The following ZHX2 variants were observed in gnomAD, a reference collection of about 807,000 sequenced individuals.
ZHX2 encodes zinc fingers and homeoboxes protein 2.
Under a neutral mutation model 21.9 loss-of-function variants are expected in ZHX2, and 6 were observed. The ratio of observed to expected loss-of-function variants is 0.27; its 90% CI spans 0.15 to 0.54. The LOEUF (loss-of-function observed/expected upper bound fraction) is 0.54, where lower values mean the gene tolerates loss of function less well. ZHX2 is among the 20% of genes least tolerant of loss of function. ZHX2 has a pLI of 0.95. For missense variants in ZHX2, 908 were observed against 1,090.7 expected, an observed-to-expected ratio of 0.83 and a Z score of 2.36; for synonymous variants, 434 against 437.1, an observed-to-expected ratio of 0.99 and a Z score of 0.09.
At chr8:122,942,170 C>A (rs563580375) in intron 2 of ZHX2, among the ~76,000 whole-genome samples, 1 of 151,852 alleles carries the variant, frequency 6.6e-6, no homozygotes, top group Non-Finnish European at 1.5e-5. Context: ...GCCCTGCCCC[C>A]ACCCGTCACC....
chr8:122,831,102 T>G (rs1283177670), intron 1 of ZHX2, among the ~76,000 whole-genome samples: 2 of 152,186 alleles, frequency 1.3e-5, no homozygotes, highest in Non-Finnish European at 2.9e-5. Context: ...ATTATATGCA[T>G]AAGAGTTTGT....
At chr8:122,931,045 C>T (rs1157960208) in intron 2 of ZHX2, among the ~76,000 whole-genome samples, 1 of 152,136 alleles carries the variant, frequency 6.6e-6, no homozygotes. Context: ...TGTCAAAGGT[C>T]ACCTGCCAAT....
intron 3 of ZHX2, among the ~76,000 whole-genome samples, chr8:122,960,962 G>A (rs1813428234): frequency 6.6e-6 from 1 of 152,178 alleles, no homozygotes; most frequent in Non-Finnish European, 1.5e-5. Flanking sequence ...AGGCTGGATG[G>A]TGGAAAATTC....
intron 1 of ZHX2, among the ~76,000 whole-genome samples, chr8:122,826,959 C>A (rs1043652568): frequency 6.6e-6 from 1 of 152,076 alleles, no homozygotes; most frequent in South Asian, 2.1e-4. Context: ...GGTTCCTAGG[C>A]GGAGGTGAGA....
chr8:122,873,548 G>A (rs536486979), intron 2 of ZHX2, among the ~76,000 whole-genome samples: 23 of 152,162 alleles, frequency 1.5e-4, no homozygotes, highest in Non-Finnish European at 2.8e-4. Context: ...CTCGTCCTGC[G>A]GCCGGTGCAG....
chr8:122,921,228 C>T (rs1820730575), intron 2 of ZHX2, among the ~76,000 whole-genome samples: 1 of 152,064 alleles, frequency 6.6e-6, no homozygotes, highest in Non-Finnish European at 1.5e-5. Flanking sequence ...ATTACAGGCA[C>T]CCACAACCAC....
intron 1 of ZHX2, among the ~76,000 whole-genome samples, chr8:122,833,901 G>A (rs530570238): frequency 8.5e-5 from 13 of 152,224 alleles, no homozygotes; most frequent in Admixed American, 2.6e-4. Flanking sequence ...GGAGGCTGAG[G>A]CAGGAGAATG....
chr8:122,964,860 T>C (rs934401670), intron 3 of ZHX2, among the ~76,000 whole-genome samples: 1 of 152,088 alleles, frequency 6.6e-6, no homozygotes, highest in Non-Finnish European at 1.5e-5. Flanking sequence ...TTCTTCTGGG[T>C]TTAATCTAGG....
intron 1 of ZHX2, among the ~76,000 whole-genome samples, chr8:122,801,585 C>CAAAAAAAA (rs34318877): frequency 8.0e-6 from 1 of 124,798 alleles, no homozygotes; most frequent in Non-Finnish European, 1.7e-5. Flanking sequence ...GCCATCTCTA[C>CAAAAAAAA]AAAAAAAAAA....
At chr8:122,835,458 A>G (rs1563747798) in intron 1 of ZHX2, among the ~76,000 whole-genome samples, 1 of 152,002 alleles carries the variant, frequency 6.6e-6, no homozygotes, top group Non-Finnish European at 1.5e-5. Context: ...GCGGTGGGGG[A>G]GGAGAATGGG....
chr8:122,867,418 G>A (rs539295092), intron 2 of ZHX2, among the ~76,000 whole-genome samples: 2 of 152,234 alleles, frequency 1.3e-5, no homozygotes, highest in Non-Finnish European at 2.9e-5. Flanking sequence ...CCACATGGCT[G>A]AATGCACCTG....
At position 122,953,794 on chromosome 8, in the gene ZHX2, G is replaced by A. The variant is rs768556685; in HGVS notation, c.2284G>A (p.Ala762Thr). The A allele has an allele frequency of 2.5e-6, 4 of 1,614,128 alleles. No individual in the cohort carries two copies. The highest frequency in any genetic ancestry group is 4.5e-5 in the East Asian group (2 of 44,898). Residue 762 changes from alanine (A) to threonine (T), a missense_variant, in exon 3 of 4, where the codon GCA becomes ACA. By Grantham distance (58) the Ala-to-Thr change is moderately conservative (BLOSUM62 0). This residue lies in a region of ZHX2 where 431 missense variants were observed against 428.6 expected (regional missense o/e 1.01). Transcript: ENST00000314393. The surrounding 1 kb of genome is among the most constrained non-coding windows in gnomAD (Gnocchi z 4.6). ...GSEPAKDCLPAKPSEATSDRS... is the reference protein window; with the variant it reads ...GSEPAKDCLPTKPSEATSDRS... ...CGAGCCAGCAAAAGACTGTTTGCCA[G>A]CAAAGCCCTCAGAGGCCACCTCAGA...
intron 1 of ZHX2, among the ~76,000 whole-genome samples, chr8:122,796,120 G>A (rs1439122621): frequency 6.7e-6 from 1 of 149,232 alleles, no homozygotes; most frequent in African/African-American, 2.5e-5. Context: ...GCAGTGAGCT[G>A]AGATCATACC....
At chr8:122,910,331 C>T (rs1209339353) in intron 2 of ZHX2, among the ~76,000 whole-genome samples, 1 of 152,088 alleles carries the variant, frequency 6.6e-6, no homozygotes, top group East Asian at 1.9e-4. Flanking sequence ...GTGACATGCC[C>T]CAAAACACAG....
rs201212470 is a variant in ZHX2 at position 122,953,361 on chromosome 8, C to A, written c.1851C>A (p.Leu617=). Residue 617 remains leucine, a synonymous_variant, in exon 3 of 4, where the codon CTC becomes CTA. Transcript: ENST00000314393. The surrounding 1 kb of genome is among the most constrained non-coding windows in gnomAD (Gnocchi z 4.6). ...PNGALSRLDQ[L]SGAQLTSSLP... ...GTGCTCTGTCTCGACTCGACCAGCT[C>A]TCCGGTGCCCAGTTAACAAGTTCTC... 5.0e-6 allele frequency: 8 copies of A among 1,614,128 alleles called. No individual in the cohort carries two copies. The highest frequency in any genetic ancestry group is 6.8e-6 in the Non-Finnish European group (8 of 1,180,038).
chr8:122,853,433 A>C (rs1818950176), intron 1 of ZHX2, among the ~76,000 whole-genome samples: 2 of 152,162 alleles, frequency 1.3e-5, no homozygotes, highest in Non-Finnish European at 2.9e-5. Context: ...CAGCATCTGA[A>C]TGTGTTAGCA....
In ZHX2 at chr8:122,951,271, T is replaced by C. The variant is rs1813102189; in HGVS notation, c.-219-21T>C. The C allele has an allele frequency of 1.2e-5, 6 of 508,724 alleles. No individual in the cohort carries two copies. In the South Asian group the frequency reaches 1.5e-4, roughly 13 times the overall value. 31.5% of individuals were successfully genotyped at this position (508,724 alleles called of 1,614,324 possible). A position where few individuals can be genotyped will look rare whatever the true frequency, so the allele number is the denominator to read the frequency against. ...TTGCGTTGTGAAGAGACACTGACCC[T>C]GTCTTTGTTCTTGTCCACAGATATG... On this transcript the variant is annotated intron_variant, in intron 2 of 3. Transcript: ENST00000314393.
chr8:122,950,647 A>G (rs982112291), intron 2 of ZHX2, among the ~76,000 whole-genome samples: 1 of 152,142 alleles, frequency 6.6e-6, no homozygotes, highest in African/African-American at 2.4e-5. Flanking sequence ...ACAATGTACT[A>G]ACATGCATTA....
intron 2 of ZHX2, among the ~76,000 whole-genome samples, chr8:122,873,398 A>G (rs1655762267): frequency 6.6e-6 from 1 of 152,154 alleles, no homozygotes; most frequent in South Asian, 2.1e-4. Context: ...GGGCTTGGGC[A>G]GTATCCTCTG....
Sources: gnomAD v4.1 joint callset for allele counts (sites outside exome capture counted in the v4.1 genomes callset) on GRCh38, gnomAD v4.1.1 for gene constraint, gnomAD v4.1.1 regional missense constraint, Gnocchi (gnomAD v3.1) non-coding constraint, MANE v1.5 for transcripts, NCBI Gene and HGNC (gene_info 2026-07-23, HGNC 2026-07-21) for gene names.